Variants in MYRIP observed in about 807,000 individuals in gnomAD.
The protein encoded by MYRIP is rab effector MyRIP.
MYRIP carries 49 observed loss-of-function variants against 98.0 expected under a neutral mutation model. The ratio of observed to expected loss-of-function variants is 0.50; its 90% CI spans 0.40 to 0.63. The LOEUF (loss-of-function observed/expected upper bound fraction) is 0.63, where lower values mean the gene tolerates loss of function less well. Ranked by LOEUF, MYRIP falls within the 30% of genes least tolerant of loss-of-function variation. The probability of loss-of-function intolerance (pLI) is 0.00; values close to 1 mark genes in which losing one functional copy is unlikely to be tolerated. For missense variants in MYRIP, 1,004 were observed against 1,058.2 expected (o/e 0.95, Z 0.71); for synonymous variants, 404 against 409.5 (o/e 0.99, Z 0.16).
rs141167894 is a variant in MYRIP, at chr3:39,812,528, T to A, written c.-31+2612T>A. Among the ~76,000 whole-genome samples, 392 of 152,342 alleles carry A rather than the reference T, an allele frequency of 2.6e-3. 3 individuals are homozygous for A. Among genetic ancestry groups the A allele is most frequent in the African/African-American group, 8.9e-3 (372 of 41,578 alleles). Reference sequence around the variant, plus strand: ...TGACATTGGTCAATGGCGGCTGGTTTGTTCCCATAAGAGCTTTTTCATAGG... The same window carrying A: ...TGACATTGGTCAATGGCGGCTGGTTAGTTCCCATAAGAGCTTTTTCATAGG... On this transcript the variant is annotated intron_variant, in intron 1 of 16. Coordinates refer to ENST00000302541, the MANE Select transcript of MYRIP (RefSeq NM_015460.4).
chr3:40,209,518 G>A lies in MYRIP; in HGVS notation c.1666-336G>A, dbSNP rs1951864902. On this transcript the variant is annotated intron_variant, in intron 10 of 16. Coordinates refer to ENST00000302541, the MANE Select transcript of MYRIP (RefSeq NM_015460.4). ...TTTAGTGTGTCTCATTCATTACAGGGCTGGCCCAGGCAAGGGCTGGTCAGG... is the reference window on the plus strand; with the variant it reads ...TTTAGTGTGTCTCATTCATTACAGGACTGGCCCAGGCAAGGGCTGGTCAGG... Among the ~76,000 whole-genome samples the A allele has an allele frequency of 2.0e-5, 3 of 151,972 alleles. No homozygotes were observed. In the South Asian group the frequency reaches 6.2e-4, roughly 32 times the overall value.
intron 2 of MYRIP, among the ~76,000 whole-genome samples, chr3:40,020,777 G>T (rs1367493250): frequency 2.0e-5 from 3 of 152,042 alleles, no homozygotes; most frequent in Non-Finnish European, 4.4e-5. Context: ...TTTGATATTT[G>T]TATCTTGTAT....
chr3:39,910,111 G>A (rs1943983192), intron 2 of MYRIP, among the ~76,000 whole-genome samples: 1 of 152,082 alleles, frequency 6.6e-6, no homozygotes, highest in Non-Finnish European at 1.5e-5. Flanking sequence ...GGCTGGTCTT[G>A]AACTCCTGAT....
chr3:39,876,566 G>A (rs1034932875), intron 1 of MYRIP, among the ~76,000 whole-genome samples: 1 of 151,796 alleles, frequency 6.6e-6, no homozygotes, highest in Non-Finnish European at 1.5e-5. Flanking sequence ...GCATTTGCTT[G>A]TCTGTAAAGG....
At chr3:39,850,976 A>T (rs1196178091) in intron 1 of MYRIP, among the ~76,000 whole-genome samples, 1 of 152,166 alleles carries the variant, frequency 6.6e-6, no homozygotes, top group Non-Finnish European at 1.5e-5. Context: ...AGACAGAGAA[A>T]AAAACCCAAA....
In MYRIP at chr3:39,957,145, T is replaced by C. The variant is rs373220054; in HGVS notation, c.110+56219T>C. On this transcript the variant is annotated intron_variant, in intron 2 of 16. Coordinates refer to ENST00000302541, the MANE Select transcript of MYRIP (RefSeq NM_015460.4). ...TTCCTTCTGAAACTATTCCAATCAA[T>C]AGAAAAAGAGGGAATCCTCCCTAAC... 9.2e-5 allele frequency among the ~76,000 whole-genome samples: 14 copies of C among 151,566 alleles called. 1 individual carries two copies. Among genetic ancestry groups the C allele is most frequent in the Non-Finnish European group, 2.9e-5 (2 of 67,998 alleles).
intron 3 of MYRIP, among the ~76,000 whole-genome samples, chr3:40,076,981 C>A (rs1559390077): frequency 1.3e-5 from 2 of 152,144 alleles, no homozygotes; most frequent in Non-Finnish European, 2.9e-5. Context: ...ACTATTGTGT[C>A]CAGAATTGGT....
rs12494283 is a variant in MYRIP, at chr3:40,166,959, C to T, written c.648+16C>T. 6.3e-7 allele frequency: 1 copy of T among 1,598,210 alleles called. No homozygotes were observed. The highest frequency in any genetic ancestry group is 8.6e-7 in the Non-Finnish European group (1 of 1,165,854). On this transcript the variant is annotated intron_variant, in intron 6 of 16. Coordinates refer to ENST00000302541, the MANE Select transcript of MYRIP (RefSeq NM_015460.4). ...GGACAGCCTGGTAGGGCCCCTCCTGCTCCTCTCTGTGGGGGGAGGTGTGGG... is the reference window on the plus strand; with the variant it reads ...GGACAGCCTGGTAGGGCCCCTCCTGTTCCTCTCTGTGGGGGGAGGTGTGGG...
chr3:40,044,124 A>T lies in MYRIP; in HGVS notation c.185A>T (p.His62Leu). The T allele has an allele frequency of 6.2e-7, 1 of 1,614,172 alleles. No homozygotes were observed. Among genetic ancestry groups the T allele is most frequent in the Non-Finnish European group, 8.5e-7 (1 of 1,180,026 alleles). Residue 62 changes from histidine (H) to leucine (L), a missense_variant, in exon 3 of 17, where the codon CAC (histidine) becomes CTC (leucine). His to Leu is a moderately conservative substitution (Grantham distance 99). Transcript: ENST00000302541. Reference protein sequence around the residue: ...ILSKHQQFVEHCCMRCCSPFT... With the variant: ...ILSKHQQFVELCCMRCCSPFT... The stretch of plus-strand genomic sequence containing the variant: ...TCGAAGCACCAGCAGTTTGTGGAGC[A>T]CTGCTGCATGCGCTGCTGCTCGCCC...
intron 2 of MYRIP, among the ~76,000 whole-genome samples, chr3:40,006,624 G>A (rs1221278417): frequency 1.3e-5 from 2 of 152,164 alleles, no homozygotes; most frequent in East Asian, 3.9e-4. Context: ...CTCACTTCAG[G>A]AATCTGTGAT....
chr3:39,973,085 C>A (rs1945637582), intron 2 of MYRIP, among the ~76,000 whole-genome samples: 1 of 151,904 alleles, frequency 6.6e-6, no homozygotes, highest in African/African-American at 2.4e-5. Flanking sequence ...CTAAATGCCC[C>A]AATTAAAAGA....
intron 11 of MYRIP, among the ~76,000 whole-genome samples, chr3:40,231,011 G>T (rs1160994181): frequency 2.0e-5 from 3 of 152,046 alleles, no homozygotes; most frequent in African/African-American, 7.2e-5. Context: ...TTTTAGTAGA[G>T]ACAGGGTTTC....
chr3:39,924,694 A>G (rs2125694051), intron 2 of MYRIP, among the ~76,000 whole-genome samples: 1 of 152,232 alleles, frequency 6.6e-6, no homozygotes, highest in African/African-American at 2.4e-5. Context: ...GCAACAGAAT[A>G]TATATTGAGA....
At chr3:40,136,315 A>G (rs532397142) in intron 3 of MYRIP, among the ~76,000 whole-genome samples, 35 of 152,362 alleles carry the variant, frequency 2.3e-4, no homozygotes, top group Non-Finnish European at 4.1e-4. Context: ...AAAGGGATCA[A>G]TTCAACAAGA....
intron 3 of MYRIP, among the ~76,000 whole-genome samples, chr3:40,134,379 A>G (rs1364564467): frequency 6.6e-6 from 1 of 152,396 alleles, no homozygotes; most frequent in African/African-American, 2.4e-5. Flanking sequence ...TAAACAAAGC[A>G]GCCGGGAAGC....
At chr3:40,010,456 C>A (rs1216431851) in intron 2 of MYRIP, among the ~76,000 whole-genome samples, 1 of 152,120 alleles carries the variant, frequency 6.6e-6, no homozygotes, top group Admixed American at 6.5e-5. Flanking sequence ...ATTTCTAAAC[C>A]CTACAGGCCT....
rs943393638 is a variant in MYRIP, at chr3:40,260,091, A to G, written c.*1925A>G. 5.2e-5 allele frequency: 8 copies of G among 152,676 alleles called. No homozygotes were observed. Among genetic ancestry groups the G allele is most frequent in the African/African-American group, 1.9e-4 (8 of 41,468 alleles). The allele number at this position is 152,676 out of a possible 1,614,324, so 9.5% of individuals were successfully genotyped here. A position where few individuals can be genotyped will look rare whatever the true frequency, so the allele number is the denominator to read the frequency against. On this transcript the variant is annotated 3_prime_UTR_variant, in exon 17 of 17. Transcript: ENST00000302541. ...CTATTAAAAACCATAAGCATATGTTATAGTTCCAGAAGAATTATTTTGTCA... is the reference window on the plus strand; with the variant it reads ...CTATTAAAAACCATAAGCATATGTTGTAGTTCCAGAAGAATTATTTTGTCA...
At chr3:40,241,961 G>A (rs945661000) in intron 12 of MYRIP, among the ~76,000 whole-genome samples, 22 of 152,112 alleles carry the variant, frequency 1.4e-4, no homozygotes, top group Admixed American at 1.4e-3. Context: ...AGTAACTCTA[G>A]TACCTTTATG....
At chr3:40,237,758 G>A (rs894573581) in intron 12 of MYRIP, among the ~76,000 whole-genome samples, 3 of 152,176 alleles carry the variant, frequency 2.0e-5, no homozygotes, top group African/African-American at 7.2e-5. Context: ...AATTGAAAGG[G>A]TTAAAGACAT....
Sources: gnomAD v4.1 joint callset for allele counts (sites outside exome capture counted in the v4.1 genomes callset) on GRCh38, gnomAD v4.1.1 for gene constraint, MANE v1.5 for transcripts, NCBI Gene and HGNC (gene_info 2026-07-23, HGNC 2026-07-21) for gene names.